RCOR3: variants seen among roughly 807,000 people sequenced by gnomAD.
RCOR3 encodes REST corepressor 3.
RCOR3 carries 13 observed loss-of-function variants against 64.1 expected under a neutral mutation model. The ratio of observed to expected loss-of-function variants is 0.20; its 90% CI spans 0.13 to 0.32. The LOEUF is 0.32. RCOR3 is among the 10% of genes least tolerant of loss of function. The pLI, the probability that RCOR3 is intolerant of heterozygous loss-of-function variation, is 1.00. For missense variants in RCOR3, 489 were observed against 701.2 expected (o/e 0.70, Z 3.42); for synonymous variants, 215 against 239.0 (o/e 0.90, Z 0.93).
Position 211,312,628 on chromosome 1 carries a change from A to ATTGCTGGTATCTTTT in RCOR3, c.1076-91_1076-77dup. On this transcript the variant is annotated intron_variant, in intron 10 of 11. Coordinates refer to ENST00000419091, the MANE Select transcript of RCOR3 (RefSeq NM_001136223.3). The surrounding 1 kb of genome is among the most constrained non-coding windows in gnomAD (Gnocchi z 5.0). ...GCAGAGTTTATCAGAAAGGAATTTCATTGCTGGTATCTTTTGTGTGTGCAT... is the reference window on the plus strand; with the variant it reads ...GCAGAGTTTATCAGAAAGGAATTTCATTGCTGGTATCTTTTTTGCTGGTATCTTTTGTGTGTGCAT... The ATTGCTGGTATCTTTT allele has an allele frequency of 1.1e-6, 1 of 875,548 alleles. No individual in the cohort carries two copies. Among genetic ancestry groups the ATTGCTGGTATCTTTT allele is most frequent in the South Asian group, 1.6e-5 (1 of 64,060 alleles). The allele number at this position is 875,548 out of a possible 1,614,324, so 54.2% of individuals were successfully genotyped here. A position where few individuals can be genotyped will look rare whatever the true frequency, so the allele number is the denominator to read the frequency against.
chr1:211,268,707 A>T (rs868579858), intron 2 of RCOR3, among the ~76,000 whole-genome samples: 24 of 152,032 alleles, frequency 1.6e-4, no homozygotes, highest in African/African-American at 4.8e-4. Flanking sequence ...AAATTTTTTC[A>T]TAATGAACCT....
chr1:211,274,557 G>C (rs1213388503), intron 4 of RCOR3, among the ~76,000 whole-genome samples: 2 of 152,012 alleles, frequency 1.3e-5, no homozygotes, highest in Non-Finnish European at 2.9e-5. Flanking sequence ...TTACCAAAAT[G>C]AAAAGTTAAG....
chr1:211,293,117 A>ATAAATAAG (rs1322012556), intron 8 of RCOR3, among the ~76,000 whole-genome samples: 1 of 149,858 alleles, frequency 6.7e-6, no homozygotes, highest in African/African-American at 2.4e-5. Context: ...AAATAAATAA[A>ATAAATAAG]TAAGTCTTAA....
At chr1:211,278,091 CT>C (rs1226431726) in intron 5 of RCOR3, 25 bp from the exon 6 acceptor site, 1 of 1,563,022 alleles carries the variant, frequency 6.4e-7, no homozygotes, top group Non-Finnish European at 8.7e-7. Context: ...ATTAAACTTG[CT>C]GATATTAACA....
intron 7 of RCOR3, among the ~76,000 whole-genome samples, chr1:211,288,592 ATATT>A (rs1447878950): frequency 2.0e-5 from 3 of 147,250 alleles, no homozygotes; most frequent in Non-Finnish European, 4.5e-5. Context: ...TTTATTTATT[ATATT>A]TATTATTTAT....
chr1:211,307,893 C>T (rs1337803658), intron 10 of RCOR3, among the ~76,000 whole-genome samples: 3 of 151,804 alleles, frequency 2.0e-5, no homozygotes, highest in Non-Finnish European at 2.9e-5. Flanking sequence ...CAGAAAATGA[C>T]AGAACTATGT....
chr1:211,306,719 C>T (rs1469517081), intron 10 of RCOR3, among the ~76,000 whole-genome samples: 2 of 152,104 alleles, frequency 1.3e-5, no homozygotes, highest in Non-Finnish European at 2.9e-5. Context: ...GTTCCATCTA[C>T]TCATATTGTT....
At position 211,312,637 on chromosome 1, in the gene RCOR3, A is replaced by G. The variant is rs895911639; in HGVS notation, c.1076-83A>G. 3.3e-6 allele frequency: 3 copies of G among 914,678 alleles called. No individual in the cohort carries two copies. The highest frequency in any genetic ancestry group is 5.2e-6 in the Non-Finnish European group (3 of 571,894). The allele number at this position is 914,678 out of a possible 1,614,324, so 56.7% of individuals were successfully genotyped here. On this transcript the variant is annotated intron_variant, in intron 10 of 11. Coordinates refer to ENST00000419091, the MANE Select transcript of RCOR3 (RefSeq NM_001136223.3). This position sits in a 1 kb window ranked among gnomAD's most constrained non-coding sequence, Gnocchi z 5.0. ...ATCAGAAAGGAATTTCATTGCTGGT[A>G]TCTTTTGTGTGTGCATGATGTATAG...
intron 10 of RCOR3, among the ~76,000 whole-genome samples, chr1:211,305,508 A>G (rs1414079372): frequency 6.6e-6 from 1 of 152,138 alleles, no homozygotes; most frequent in Non-Finnish European, 1.5e-5. Context: ...ATTGCTTTTT[A>G]TTCATGTAAA....
intron 10 of RCOR3, among the ~76,000 whole-genome samples, chr1:211,309,048 C>T (rs539595599): frequency 6.2e-5 from 8 of 128,838 alleles, no homozygotes; most frequent in African/African-American, 2.1e-4. Context: ...TTAAACATAC[C>T]AAAGGTAGCT....
At chr1:211,260,029 ATTTT>A (rs1000526145) in intron 1 of RCOR3, 75 bp from the exon 2 acceptor site, 5 of 1,288,156 alleles carry the variant, frequency 3.9e-6, no homozygotes, top group Non-Finnish European at 4.9e-6. Context: ...AGCGATTTTT[ATTTT>A]TTAAGTGTCT....
chr1:211,305,065 A>G (rs1054967330), intron 10 of RCOR3, among the ~76,000 whole-genome samples: 5 of 152,196 alleles, frequency 3.3e-5, no homozygotes, highest in African/African-American at 1.2e-4. Context: ...AATAGTCTTC[A>G]GAGAACATAC....
intron 10 of RCOR3, among the ~76,000 whole-genome samples, chr1:211,310,858 TA>T (rs1701406533): frequency 6.6e-6 from 1 of 152,206 alleles, no homozygotes; most frequent in South Asian, 2.1e-4. Flanking sequence ...TAGACTTATT[TA>T]AGGTTTTCAC....
chr1:211,278,171 A>G lies in RCOR3; in HGVS notation c.571A>G (p.Thr191Ala), dbSNP rs1697279358. 1 of 1,606,964 alleles carries G rather than the reference A, an allele frequency of 6.2e-7. No individual in the cohort carries two copies. The highest frequency in any genetic ancestry group is 1.3e-5 in the African/African-American group (1 of 74,452). The change falls in exon 6 of 12, where the codon ACT (threonine) becomes GCT (alanine). Residue 191 changes from threonine (T) to alanine (A), a missense_variant. Physicochemically the swap from Thr to Ala is moderately conservative, Grantham distance 58 (BLOSUM62 0). This residue lies in a region of RCOR3 where 402 missense variants were observed against 617.0 expected (regional missense o/e 0.65). Coordinates refer to ENST00000419091, the MANE Select transcript of RCOR3 (RefSeq NM_001136223.3). ...LVKYYYSWKKTRSRTSLMDRQ... is the reference protein window; with the variant it reads ...LVKYYYSWKKARSRTSLMDRQ... ...AAAATATTACTATTCTTGGAAAAAA[A>G]CTCGCTCTAGGACAAGTTTGATGGA...
rs553328048 is a variant in RCOR3, at chr1:211,314,777, A to G, written c.*1009A>G. 2.6e-5 allele frequency: 4 copies of G among 152,296 alleles called. No homozygotes were observed. Among genetic ancestry groups the G allele is most frequent in the African/African-American group, 7.2e-5 (3 of 41,576 alleles). The allele number at this position is 152,296 out of a possible 1,614,324, so 9.4% of individuals were successfully genotyped here. A position where few individuals can be genotyped will look rare whatever the true frequency, so the allele number is the denominator to read the frequency against. On this transcript the variant is annotated 3_prime_UTR_variant, in exon 12 of 12. Transcript: ENST00000419091. The stretch of plus-strand genomic sequence containing the variant: ...TAAAATTGCCCTCATACTTAATAAT[A>G]TGGTCTGCATTTAATATGAAAGGTG...
At position 211,277,224 on chromosome 1, in the gene RCOR3, T is replaced by C. The variant is rs373698779; in HGVS notation, c.516+806T>C. On this transcript the variant is annotated intron_variant, in intron 5 of 11. Transcript: ENST00000419091. ...GTATTTCTAGTTCCTACATTTTTAG[T>C]ATTGTGTCAAAATAATGTAAATCTG... Among the ~76,000 whole-genome samples, 6 of 152,058 alleles carry C rather than the reference T, an allele frequency of 3.9e-5. No homozygotes were observed. The South Asian group carries it at 6.2e-4, about 16-fold the overall frequency.
intron 2 of RCOR3, among the ~76,000 whole-genome samples, chr1:211,260,569 G>A (rs2102403920): frequency 6.6e-6 from 1 of 152,362 alleles, no homozygotes; most frequent in East Asian, 1.9e-4. Flanking sequence ...GCCGAGGGCC[G>A]CGCTCTGTCG....
intron 1 of RCOR3, 83 bp downstream of exon 1, chr1:211,259,809 C>A: frequency 9.4e-7 from 1 of 1,063,814 alleles, no homozygotes; most frequent in Non-Finnish European, 1.3e-6. Flanking sequence ...TCGCCGCTCT[C>A]CCGCCCTCCC....
chr1:211,278,260 T>C lies in RCOR3; in HGVS notation c.641+19T>C, dbSNP rs763454236. The C allele has an allele frequency of 3.1e-6, 5 of 1,612,960 alleles. No homozygotes were observed. The South Asian group carries it at 5.5e-5, about 18-fold the overall frequency. ...GTGACAGGTAGGTTGGTTACCTTCA[T>C]ATAGTTACATTGTTAGGGACACTGC... On this transcript the variant is annotated intron_variant, in intron 6 of 11. Coordinates refer to ENST00000419091, the MANE Select transcript of RCOR3 (RefSeq NM_001136223.3).
Sources: gnomAD v4.1 joint callset for allele counts (sites outside exome capture counted in the v4.1 genomes callset) on GRCh38, gnomAD v4.1.1 for gene constraint, gnomAD v4.1.1 regional missense constraint, Gnocchi (gnomAD v3.1) non-coding constraint, MANE v1.5 for transcripts, NCBI Gene and HGNC (gene_info 2026-07-23, HGNC 2026-07-21) for gene names.